Variants in DPF3 observed in about 807,000 individuals in gnomAD.
DPF3 encodes the protein double PHD fingers 3.
A neutral mutation model predicts 56.8 loss-of-function variants in DPF3; 18 were observed. The ratio of observed to expected loss-of-function variants is 0.32; its 90% CI spans 0.22 to 0.47. The LOEUF (loss-of-function observed/expected upper bound fraction) is 0.47, where lower values mean the gene tolerates loss of function less well. Among genes scored for constraint, DPF3 ranks in the 20% least tolerant of loss-of-function variants. The pLI is 1.00. For missense variants in DPF3, 403 were observed against 488.8 expected, an observed-to-expected ratio of 0.82 and a Z score of 1.65; for synonymous variants, 188 against 180.2, an observed-to-expected ratio of 1.04 and a Z score of -0.35.
At chr14:72,699,951 A>C (rs1288630618) in intron 6 of DPF3, among the ~76,000 whole-genome samples, 1 of 152,136 alleles carries the variant, frequency 6.6e-6, no homozygotes, top group East Asian at 1.9e-4. Flanking sequence ...AGGAGGAAAG[A>C]GGGAGGTTGG....
At chr14:72,861,737 GAGAAAGAAAGAAAGAAAGAA>G (rs35048401) in intron 1 of DPF3, among the ~76,000 whole-genome samples, 63 of 84,608 alleles carry the variant, frequency 7.4e-4, no homozygotes, top group African/African-American at 1.7e-3. Flanking sequence ...AAGAAAGAAA[GAGAAAGAAAGAAAGAAAGAA>G]AGAAAGAAAG....
intron 3 of DPF3, among the ~76,000 whole-genome samples, chr14:72,740,764 C>T (rs990994343): frequency 6.6e-6 from 1 of 152,220 alleles, no homozygotes; most frequent in Admixed American, 6.5e-5. Flanking sequence ...GAGGCCTTCC[C>T]AGTTCATCTC....
At chr14:72,696,111 C>A (rs1440869909) in intron 6 of DPF3, among the ~76,000 whole-genome samples, 3 of 151,968 alleles carry the variant, frequency 2.0e-5, no homozygotes, top group South Asian at 2.1e-4. Flanking sequence ...CATTTAGTTG[C>A]CAGGCATACT....
At chr14:72,678,005 T>C (rs534588532) in intron 7 of DPF3, among the ~76,000 whole-genome samples, 2 of 152,324 alleles carry the variant, frequency 1.3e-5, no homozygotes, top group East Asian at 3.9e-4. Context: ...AGCAGACATT[T>C]ATCACACCAC....
At chr14:72,764,826 G>T (rs1891210551) in intron 2 of DPF3, among the ~76,000 whole-genome samples, 1 of 152,166 alleles carries the variant, frequency 6.6e-6, no homozygotes, top group Admixed American at 6.5e-5. Context: ...TCAAACATGA[G>T]GGGCAGTCAT....
At chr14:72,861,969 C>T (rs745810128) in intron 1 of DPF3, among the ~76,000 whole-genome samples, 3 of 152,244 alleles carry the variant, frequency 2.0e-5, no homozygotes, top group South Asian at 2.1e-4. Context: ...ATGCTTTCAC[C>T]CATAGACTGT....
intron 8 of DPF3, among the ~76,000 whole-genome samples, chr14:72,631,730 T>C (rs74770882): frequency 0.019 from 2,905 of 152,324 alleles, 94 homozygotes; most frequent in African/African-American, 0.066. Context: ...CAAGATACCT[T>C]GAGCCCTTCC....
At chr14:72,714,524 G>A (rs1332410514) in intron 5 of DPF3, 23 bp from the exon 6 acceptor site, 4 of 1,612,934 alleles carry the variant, frequency 2.5e-6, no homozygotes, top group African/African-American at 1.3e-5. Flanking sequence ...TGGGGTACAG[G>A]ATGCTTGTTA....
chr14:72,857,649 C>T (rs547705378), intron 1 of DPF3, among the ~76,000 whole-genome samples: 141 of 152,204 alleles, frequency 9.3e-4, no homozygotes, highest in South Asian at 1.9e-3. Context: ...TGCAGGGGCG[C>T]AATCTCGGCT....
At chr14:72,729,884 C>T (rs977638397) in intron 4 of DPF3, among the ~76,000 whole-genome samples, 7 of 152,006 alleles carry the variant, frequency 4.6e-5, no homozygotes, top group African/African-American at 7.3e-5. Flanking sequence ...CCATTGAATG[C>T]ACAACGCCAA....
chr14:72,884,685 T>C (rs962044560), intron 1 of DPF3, among the ~76,000 whole-genome samples: 1 of 151,284 alleles, frequency 6.6e-6, no homozygotes, highest in African/African-American at 2.4e-5. Context: ...ACATCACATC[T>C]CCATCCACCT....
rs1271088343 is a variant in DPF3, at chr14:72,698,973, G to A, written c.605-5760C>T. On this transcript the variant is annotated intron_variant, in intron 6 of 10. Coordinates refer to ENST00000556509, the MANE Select transcript of DPF3 (RefSeq NM_001280542.3). ...AAGAGATGCACATGTTTCTGACGTG[G>A]GCAACTGGGTAGAAGGATGAAGGAG... 1.3e-5 allele frequency among the ~76,000 whole-genome samples: 2 copies of A among 152,164 alleles called. 1 individual carries two copies. Among genetic ancestry groups the A allele is most frequent in the Admixed American group, 1.3e-4 (2 of 15,276 alleles).
intron 1 of DPF3, chr14:72,853,137 GGACA>G (rs1475864229): frequency 6.6e-6 from 1 of 151,532 alleles, no homozygotes; most frequent in Non-Finnish European, 1.5e-5. Flanking sequence ...GGAACAGAAT[GGACA>G]GACAGAGAGA....
At chr14:72,892,300 G>T (rs1478461092) in intron 1 of DPF3, 2 of 1,535,516 alleles carry the variant, frequency 1.3e-6, no homozygotes, top group Non-Finnish European at 1.7e-6. Flanking sequence ...AACCGGCAGC[G>T]AGGATGCGGC....
intron 8 of DPF3, among the ~76,000 whole-genome samples, chr14:72,650,633 C>G (rs1179890844): frequency 2.0e-5 from 3 of 152,348 alleles, no homozygotes; most frequent in Non-Finnish European, 4.4e-5. Flanking sequence ...CAGCGGCTCT[C>G]TGTAGGTGCA....
At position 72,616,743 on chromosome 14, in the gene DPF3, T is replaced by C. The variant is rs973464884; in HGVS notation, c.*2554A>G. On this transcript the variant is annotated 3_prime_UTR_variant, in exon 11 of 11. Coordinates refer to ENST00000556509, the MANE Select transcript of DPF3 (RefSeq NM_001280542.3). ...AACACAAAAACTCTGATCCTTCACA[T>C]GCATCCTATGATTCTATCTCATTCT... 6.6e-6 allele frequency among the ~76,000 whole-genome samples: 1 copy of C among 152,200 alleles called. No homozygotes were observed. The highest frequency in any genetic ancestry group is 2.4e-5 in the African/African-American group (1 of 41,444).
rs920879585 is a variant in DPF3 at position 72,618,120 on chromosome 14, G to A, written c.*1177C>T. Among the ~76,000 whole-genome samples the A allele has an allele frequency of 6.6e-6, 1 of 151,882 alleles. No homozygotes were observed. Among genetic ancestry groups the A allele is most frequent in the African/African-American group, 2.4e-5 (1 of 41,310 alleles). ...AGCTTAGGAGACAAGAGCAGCCCCC[G>A]CACTGAGAGTTCTAAAATGTGGCCA... is the stretch of plus-strand genomic sequence containing the variant. On this transcript the variant is annotated 3_prime_UTR_variant, in exon 11 of 11. Transcript: ENST00000556509.
At chr14:72,718,989 C>A (rs1889055725) in intron 5 of DPF3, among the ~76,000 whole-genome samples, 1 of 151,178 alleles carries the variant, frequency 6.6e-6, no homozygotes, top group South Asian at 2.1e-4. Context: ...CCAGGATGGT[C>A]TCAATCTCCT....
At position 72,612,896 on chromosome 14, in the gene DPF3, G is replaced by A. The variant is rs1883828658; in HGVS notation, c.*6401C>T. Among the ~76,000 whole-genome samples the A allele has an allele frequency of 1.3e-5, 2 of 152,176 alleles. No individual in the cohort carries two copies. The highest frequency in any genetic ancestry group is 2.9e-5 in the Non-Finnish European group (2 of 68,034). Reference sequence around the variant, plus strand: ...TGAGAGCTGGAGGAGCAGGACTGGAGAAGACTTCAGGAAAGATGCACCTTG... The same window carrying A: ...TGAGAGCTGGAGGAGCAGGACTGGAAAAGACTTCAGGAAAGATGCACCTTG... On this transcript the variant is annotated 3_prime_UTR_variant, in exon 11 of 11. Transcript: ENST00000556509.
Sources: gnomAD v4.1 joint callset for allele counts (sites outside exome capture counted in the v4.1 genomes callset) on GRCh38, gnomAD v4.1.1 for gene constraint, MANE v1.5 for transcripts, NCBI Gene and HGNC (gene_info 2026-07-23, HGNC 2026-07-21) for gene names.